Variants in TENM4 observed in about 807,000 individuals in gnomAD.
TENM4 encodes the protein teneurin transmembrane protein 4.
Under a neutral mutation model 243.3 loss-of-function variants are expected in TENM4, and 82 were observed. The ratio of observed to expected loss-of-function variants is 0.34; its 90% CI spans 0.28 to 0.40. The LOEUF is 0.40. Among genes scored for constraint, TENM4 ranks in the 10% least tolerant of loss-of-function variants. The pLI is 1.00. For missense variants in TENM4, 3,138 were observed against 3,673.3 expected, an observed-to-expected ratio of 0.85 and a Z score of 3.77; for synonymous variants, 1,412 against 1,456.3, an observed-to-expected ratio of 0.97 and a Z score of 0.69.
intron 6 of TENM4, among the ~76,000 whole-genome samples, chr11:79,005,375 T>C (rs1252273410): frequency 6.6e-6 from 1 of 152,114 alleles, no homozygotes; most frequent in Non-Finnish European, 1.5e-5. Context: ...GCAAGTCAAA[T>C]CCAGGAGCAC....
chr11:79,274,029 G>A (rs906838954), intron 2 of TENM4, among the ~76,000 whole-genome samples: 2 of 152,152 alleles, frequency 1.3e-5, no homozygotes, highest in Non-Finnish European at 2.9e-5. Context: ...ACTCCTCCAC[G>A]GCACCCCACT....
chr11:79,278,999 T>G (rs963982932), intron 2 of TENM4, among the ~76,000 whole-genome samples: 5 of 152,170 alleles, frequency 3.3e-5, no homozygotes, highest in African/African-American at 1.2e-4. Flanking sequence ...CATGCACCTC[T>G]GAGCCCAGAC....
intron 17 of TENM4, among the ~76,000 whole-genome samples, chr11:78,776,894 G>A (rs541339907): frequency 6.6e-6 from 1 of 152,040 alleles, no homozygotes; most frequent in African/African-American, 2.4e-5. Context: ...GTGACTTATG[G>A]TGACAGAAGA....
At chr11:78,843,103 A>C (rs1292624322) in intron 12 of TENM4, among the ~76,000 whole-genome samples, 3 of 152,012 alleles carry the variant, frequency 2.0e-5, no homozygotes, top group Non-Finnish European at 4.4e-5. Flanking sequence ...ACATGGTAAA[A>C]TCCCTTCTCT....
chr11:79,011,799 T>C (rs1236309720), intron 6 of TENM4, among the ~76,000 whole-genome samples: 1 of 152,256 alleles, frequency 6.6e-6, no homozygotes, highest in Non-Finnish European at 1.5e-5. Flanking sequence ...TCATCAAGCA[T>C]AAAGAAGAGT....
At chr11:79,388,733 C>T (rs1367241711) in intron 1 of TENM4, among the ~76,000 whole-genome samples, 4 of 152,206 alleles carry the variant, frequency 2.6e-5, no homozygotes, top group African/African-American at 9.7e-5. Context: ...ATGGAGCTCA[C>T]AGTCATGGAG....
At chr11:79,318,549 C>G (rs894463636) in intron 1 of TENM4, among the ~76,000 whole-genome samples, 1 of 152,054 alleles carries the variant, frequency 6.6e-6, no homozygotes, top group Non-Finnish European at 1.5e-5. Flanking sequence ...TTCAAGCTAT[C>G]AAGTTGACGT....
chr11:79,339,674 G>A (rs1463631525), intron 1 of TENM4, among the ~76,000 whole-genome samples: 4 of 152,028 alleles, frequency 2.6e-5, no homozygotes, highest in East Asian at 1.9e-4. Context: ...TAATCCTAGG[G>A]CAAGAGTCAC....
intron 4 of TENM4, among the ~76,000 whole-genome samples, chr11:79,111,853 C>T (rs1364334026): frequency 1.3e-5 from 2 of 152,086 alleles, no homozygotes; most frequent in Non-Finnish European, 2.9e-5. Context: ...CAAGAAGAGT[C>T]TCAGAGAGGA....
chr11:79,140,589 A>G (rs575917981), intron 4 of TENM4, among the ~76,000 whole-genome samples: 48 of 152,222 alleles, frequency 3.2e-4, no homozygotes, highest in Non-Finnish European at 6.0e-4. Context: ...TGGCAGAAAC[A>G]GGGCTACATC....
intron 1 of TENM4, among the ~76,000 whole-genome samples, chr11:79,303,942 T>C (rs1856587657): frequency 6.6e-6 from 1 of 151,968 alleles, no homozygotes; most frequent in South Asian, 2.1e-4. Flanking sequence ...GAACCAAAGA[T>C]CTAAACAGGA....
chr11:79,213,180 G>T (rs1039412178), intron 3 of TENM4, among the ~76,000 whole-genome samples: 2 of 152,182 alleles, frequency 1.3e-5, no homozygotes, highest in Non-Finnish European at 2.9e-5. Context: ...CATTCCAGGA[G>T]GAAGGAACAG....
At chr11:79,213,836 C>T (rs1428466728) in intron 3 of TENM4, among the ~76,000 whole-genome samples, 2 of 152,122 alleles carry the variant, frequency 1.3e-5, no homozygotes, top group Admixed American at 1.3e-4. Flanking sequence ...TCTTACTATG[C>T]TGAGTGAGCA....
At chr11:78,888,141 G>A (rs1009952687) in intron 9 of TENM4, among the ~76,000 whole-genome samples, 1 of 152,134 alleles carries the variant, frequency 6.6e-6, no homozygotes, top group Non-Finnish European at 1.5e-5. Flanking sequence ...CTCCCAGTCT[G>A]GCTGTTTCAT....
chr11:79,391,641 T>TGAA (rs1858235364), intron 1 of TENM4, among the ~76,000 whole-genome samples: 1 of 152,222 alleles, frequency 6.6e-6, no homozygotes, highest in African/African-American at 2.4e-5. Context: ...TGAAGTAATG[T>TGAA]GAAGCTATTT....
chr11:78,913,118 G>C (rs959737361), intron 6 of TENM4, among the ~76,000 whole-genome samples: 5 of 152,188 alleles, frequency 3.3e-5, no homozygotes, highest in African/African-American at 1.2e-4. Flanking sequence ...ACAGCAAGTC[G>C]TGTATTATAT....
At chr11:78,856,465 C>T (rs932095764) in intron 10 of TENM4, among the ~76,000 whole-genome samples, 3 of 152,180 alleles carry the variant, frequency 2.0e-5, no homozygotes, top group Non-Finnish European at 2.9e-5. Flanking sequence ...CATAATTCCA[C>T]AGCTTGTTAA....
intron 6 of TENM4, among the ~76,000 whole-genome samples, chr11:78,954,708 A>C (rs1857173539): frequency 6.6e-6 from 1 of 152,250 alleles, no homozygotes; most frequent in African/African-American, 2.4e-5. Flanking sequence ...AGTAATATAC[A>C]ATTTCCTTTT....
chr11:78,969,518 A>G (rs1431193784), intron 6 of TENM4, among the ~76,000 whole-genome samples: 1 of 152,244 alleles, frequency 6.6e-6, no homozygotes, highest in Non-Finnish European at 1.5e-5. Flanking sequence ...TAGCTGATGA[A>G]CAAGTTTATT....
Sources: gnomAD v4.1 joint callset for allele counts (sites outside exome capture counted in the v4.1 genomes callset) on GRCh38, gnomAD v4.1.1 for gene constraint, MANE v1.5 for transcripts, NCBI Gene and HGNC (gene_info 2026-07-23, HGNC 2026-07-21) for gene names.